The following EPHA5 variants were observed in gnomAD, a reference collection of about 807,000 sequenced individuals.
EPHA5 encodes EPH receptor A5, also known as ephrin type-A receptor 5.
Under a neutral mutation model 105.0 loss-of-function variants are expected in EPHA5, and 60 were observed. The observed-to-expected ratio is 0.57, with a 90% CI of 0.46 to 0.71. The LOEUF (loss-of-function observed/expected upper bound fraction) is 0.71, where lower values mean the gene tolerates loss of function less well. Among genes scored for constraint, EPHA5 ranks in the 30% least tolerant of loss-of-function variants. The pLI, the probability that EPHA5 is intolerant of heterozygous loss-of-function variation, is 0.00. For synonymous variants in EPHA5, 513 were observed against 449.1 expected, an observed-to-expected ratio of 1.14 and a Z score of -1.80; for missense variants, 1,218 against 1,274.7, an observed-to-expected ratio of 0.96 and a Z score of 0.68.
intron 3 of EPHA5, among the ~76,000 whole-genome samples, chr4:65,566,795 A>G (rs1350810328): frequency 6.6e-6 from 1 of 151,676 alleles, no homozygotes; most frequent in Non-Finnish European, 1.5e-5. Flanking sequence ...TCTCCCCCAA[A>G]CTGTAACATC....
intron 10 of EPHA5, 128 bp from the exon 11 acceptor site, chr4:65,365,330 CAAA>C (rs544615649): frequency 2.2e-5 from 17 of 764,752 alleles, no homozygotes; most frequent in Non-Finnish European, 3.5e-5. Context: ...AACAAACAAA[CAAA>C]AAGCAGTCAG....
At chr4:65,346,452 A>AC in intron 14 of EPHA5, among the ~76,000 whole-genome samples, 1 of 151,994 alleles carries the variant, frequency 6.6e-6, no homozygotes, top group African/African-American at 2.4e-5. Context: ...TTCTTCTATT[A>AC]TTTTATATTC....
At chr4:65,600,484 G>T (rs765490260) in intron 3 of EPHA5, among the ~76,000 whole-genome samples, 22 of 152,122 alleles carry the variant, frequency 1.4e-4, no homozygotes, top group Non-Finnish European at 3.2e-4. Context: ...TGTTTCTGGA[G>T]AGAATTAATT....
chr4:65,620,343 C>T (rs1292614811), intron 2 of EPHA5, among the ~76,000 whole-genome samples: 1 of 151,992 alleles, frequency 6.6e-6, no homozygotes, highest in Middle Eastern at 3.4e-3. Context: ...TGACTTCTTG[C>T]GATGCACACT....
intron 3 of EPHA5, among the ~76,000 whole-genome samples, chr4:65,571,666 T>C (rs1158279074): frequency 6.6e-6 from 1 of 152,218 alleles, no homozygotes; most frequent in East Asian, 1.9e-4. Context: ...TTAACTTAAG[T>C]TGATTCTTAG....
intron 8 of EPHA5, among the ~76,000 whole-genome samples, chr4:65,389,774 T>C (rs976878894): frequency 1.3e-5 from 2 of 152,002 alleles, no homozygotes; most frequent in African/African-American, 4.8e-5. Context: ...ACTTGTGAGG[T>C]ACATGGGACT....
At chr4:65,596,485 AAAAC>A (rs1266585118) in intron 3 of EPHA5, among the ~76,000 whole-genome samples, 6 of 152,150 alleles carry the variant, frequency 3.9e-5, no homozygotes, top group South Asian at 2.1e-4. Context: ...ACAAACCAAA[AAAAC>A]AAACAAACAA....
chr4:65,472,583 G>A (rs1233927878), intron 5 of EPHA5, among the ~76,000 whole-genome samples: 8 of 152,286 alleles, frequency 5.3e-5, no homozygotes, highest in Admixed American at 1.3e-4. Context: ...CCACCAGCAC[G>A]TGGAAGCCGC....
chr4:65,609,158 G>A (rs1325282112), intron 2 of EPHA5, among the ~76,000 whole-genome samples: 1 of 152,072 alleles, frequency 6.6e-6, no homozygotes, highest in East Asian at 1.9e-4. Context: ...AAAACATGTA[G>A]CACAGTTTCT....
At chr4:65,640,830 A>T (rs1348263303) in intron 2 of EPHA5, among the ~76,000 whole-genome samples, 1 of 152,128 alleles carries the variant, frequency 6.6e-6, no homozygotes, top group Non-Finnish European at 1.5e-5. Context: ...GCATGTACAC[A>T]GTCCTACACA....
chr4:65,435,926 A>G (rs1725434569), intron 5 of EPHA5, among the ~76,000 whole-genome samples: 1 of 152,064 alleles, frequency 6.6e-6, no homozygotes, highest in African/African-American at 2.4e-5. Flanking sequence ...ATTCTATAAA[A>G]TTTAAATATG....
At chr4:65,428,033 C>T (rs901964877) in intron 5 of EPHA5, among the ~76,000 whole-genome samples, 6 of 151,994 alleles carry the variant, frequency 3.9e-5, no homozygotes, top group African/African-American at 1.4e-4. Flanking sequence ...ATCACATAGA[C>T]ATACATACAT....
intron 3 of EPHA5, among the ~76,000 whole-genome samples, chr4:65,580,314 C>T (rs1342695538): frequency 6.6e-6 from 1 of 151,802 alleles, no homozygotes; most frequent in Non-Finnish European, 1.5e-5. Flanking sequence ...CAATAAAATT[C>T]TAATTAACAG....
chr4:65,408,734 T>C (rs1384047529), intron 7 of EPHA5, among the ~76,000 whole-genome samples: 2 of 151,992 alleles, frequency 1.3e-5, no homozygotes, highest in Admixed American at 6.6e-5. Context: ...ACTTTTACAC[T>C]GTTGGGGGGA....
intron 3 of EPHA5, among the ~76,000 whole-genome samples, chr4:65,594,074 A>G (rs1742937423): frequency 6.6e-6 from 1 of 152,162 alleles, no homozygotes; most frequent in South Asian, 2.1e-4. Flanking sequence ...TTTTGCTGGT[A>G]TCTGAATAAC....
rs188726187 is a variant in EPHA5, at chr4:65,623,319, A to C, written c.246+20044T>G. Among the ~76,000 whole-genome samples the C allele has an allele frequency of 3.5e-3, 540 of 152,154 alleles. 3 individuals are homozygous for C. Among genetic ancestry groups the C allele is most frequent in the African/African-American group, 0.013 (527 of 41,532 alleles). The stretch of plus-strand genomic sequence containing the variant: ...AACAGTCCCAGAGTCCTGAAACCAA[A>C]TTCCTTTAAGTGAGGGAAAATCTTT... On this transcript the variant is annotated intron_variant, in intron 2 of 16. Coordinates refer to ENST00000613740, the MANE Select transcript of EPHA5 (RefSeq NM_001281766.3).
At chr4:65,416,301 G>T (rs1360857413) in intron 6 of EPHA5, among the ~76,000 whole-genome samples, 1 of 151,978 alleles carries the variant, frequency 6.6e-6, no homozygotes, top group Non-Finnish European at 1.5e-5. Flanking sequence ...GAGAAAATGT[G>T]GGTAAACAAC....
chr4:65,648,429 T>TGTC (rs1748316037), intron 1 of EPHA5, among the ~76,000 whole-genome samples: 1 of 152,178 alleles, frequency 6.6e-6, no homozygotes, highest in Non-Finnish European at 1.5e-5. Flanking sequence ...ATCAAGGACA[T>TGTC]GTGATCCCAC....
chr4:65,513,165 T>G (rs1733784610), intron 3 of EPHA5, among the ~76,000 whole-genome samples: 1 of 152,178 alleles, frequency 6.6e-6, no homozygotes, highest in South Asian at 2.1e-4. Context: ...TTTTAGGACC[T>G]TAAAGTAATA....
Sources: gnomAD v4.1 joint callset for allele counts (sites outside exome capture counted in the v4.1 genomes callset) on GRCh38, gnomAD v4.1.1 for gene constraint, MANE v1.5 for transcripts, NCBI Gene and HGNC (gene_info 2026-07-23, HGNC 2026-07-21) for gene names.